Variants in CLN3 observed in about 807,000 individuals in gnomAD.
CLN3 encodes the protein battenin.
A neutral mutation model predicts 60.7 loss-of-function variants in CLN3; 49 were observed. The observed-to-expected ratio is 0.81, with a 90% CI of 0.64 to 1.02. The LOEUF (loss-of-function observed/expected upper bound fraction) is 1.02, where lower values mean the gene tolerates loss of function less well. Among genes scored for constraint, CLN3 ranks in the 50% least tolerant of loss-of-function variants. The probability of loss-of-function intolerance (pLI) is 0.00; values close to 1 mark genes in which losing one functional copy is unlikely to be tolerated. For synonymous variants in CLN3, 256 were observed against 245.8 expected, an observed-to-expected ratio of 1.04 and a Z score of -0.39; for missense variants, 516 against 557.4, an observed-to-expected ratio of 0.93 and a Z score of 0.75.
chr16:28,474,214 C>G (rs1188576663), downstream of CLN3: 1 of 152,026 alleles, frequency 6.6e-6, no homozygotes, highest in Admixed American at 6.6e-5. Flanking sequence ...CTGCAGTGAG[C>G]AGAGACTGCG....
intron 9 of CLN3, among the ~76,000 whole-genome samples, chr16:28,485,571 CAAAAAAAAA>C (rs67148714): frequency 4.2e-4 from 5 of 11,768 alleles, no homozygotes; most frequent in South Asian, 6.5e-3. Context: ...GACTCCGTCT[CAAAAAAAAA>C]AAAAAAAAAA....
downstream of CLN3, among the ~76,000 whole-genome samples, chr16:28,475,162 A>T (rs1400579435): frequency 2.0e-5 from 3 of 152,086 alleles, no homozygotes; most frequent in Non-Finnish European, 4.4e-5. Context: ...AGGCAGGAGG[A>T]CCCCTTGAGC....
Position 28,487,485 on chromosome 16 carries a change from A to T in CLN3, c.431T>A (p.Phe144Tyr). ...CAAGSFVLVAFSHSVGTSLCG... is the reference protein window; with the variant it reads ...CAAGSFVLVAYSHSVGTSLCG... Reference sequence around the variant, plus strand: ...CAGGCTGGTCCCCACAGAATGAGAAAAGGCAACCAGGACGAAGCTTCCAGC... The same window carrying T: ...CAGGCTGGTCCCCACAGAATGAGAATAGGCAACCAGGACGAAGCTTCCAGC... Residue 144 changes from phenylalanine to tyrosine, a missense_variant, in exon 7 of 16, where the codon TTT becomes TAT. By Grantham distance (22) the Phe-to-Tyr change is conservative. Coordinates refer to ENST00000636147, the MANE Select transcript of CLN3 (RefSeq NM_001042432.2). The T allele has an allele frequency of 3.1e-6, 5 of 1,614,020 alleles. No individual in the cohort carries two copies. Among genetic ancestry groups the T allele is most frequent in the Non-Finnish European group, 4.2e-6 (5 of 1,179,986 alleles).
intron 9 of CLN3, among the ~76,000 whole-genome samples, chr16:28,485,161 T>A (rs1299384157): frequency 6.9e-6 from 1 of 145,122 alleles, no homozygotes; most frequent in Non-Finnish European, 1.5e-5. Context: ...GCCAGGCTGG[T>A]CTCAAACTCC....
chr16:28,486,222 C>A, intron 9 of CLN3, 125 bp downstream of exon 9: 1 of 1,262,666 alleles, frequency 7.9e-7, no homozygotes, highest in Non-Finnish European at 1.1e-6. Context: ...GGTTTCCTGA[C>A]CTTAGGCGAT....
Position 28,487,460 on chromosome 16 carries a change from C to G in CLN3, c.456G>C (p.Leu152=). 6.2e-7 allele frequency: 1 copy of G among 1,613,736 alleles called. No homozygotes were observed. The highest frequency in any genetic ancestry group is 1.1e-5 in the South Asian group (1 of 91,078). Residue 152 remains leucine (L), a synonymous_variant, in exon 7 of 16, where the codon CTG becomes CTC. Coordinates refer to ENST00000636147, the MANE Select transcript of CLN3 (RefSeq NM_001042432.2). ...GACACAGAACCACACACTCACCACA[C>G]AGGCTGGTCCCCACAGAATGAGAAA... ...VAFSHSVGTS[L]CGVVFASISS...
At chr16:28,468,789 A>T in the CLN3 span, among the ~76,000 whole-genome samples, 1 of 102,916 alleles carries the variant, frequency 9.7e-6, no homozygotes. Flanking sequence ...CCTGGGTGAC[A>T]GAGTGAGACT....
In CLN3 at chr16:28,482,563, T is replaced by TATA. The variant is rs770713572; in HGVS notation, c.838-21_838-19dup. On this transcript the variant is annotated intron_variant, in intron 11 of 15. Coordinates refer to ENST00000636147, the MANE Select transcript of CLN3 (RefSeq NM_001042432.2). ...AGCAGACCCTGGAAAAGGCAGAAGA[T>TATA]ATAAGCGGGGGGCCTGGAGGTGAGC... 1 of 1,614,010 alleles carries TATA rather than the reference T, an allele frequency of 6.2e-7. No homozygotes were observed. The highest frequency in any genetic ancestry group is 8.5e-7 in the Non-Finnish European group (1 of 1,179,992).
At position 28,477,523 on chromosome 16, in the gene CLN3, A is replaced by T; in HGVS notation, c.1310T>A (p.Leu437His). 1 of 1,613,308 alleles carries T rather than the reference A, an allele frequency of 6.2e-7. No homozygotes were observed. Among genetic ancestry groups the T allele is most frequent in the African/African-American group, 1.3e-5 (1 of 75,022 alleles). Residue 437 changes from leucine (L) to histidine (H), a missense_variant, in exon 16 of 16, where the codon CTC becomes CAC. Transcript: ENST00000636147. ...ALPLHDFLCQ[L>H]S ...TCCTGAGGATCCCGAGTATCAGGAG[A>T]GCTGGCAGAGGAAGTCATGCAGAGG...
downstream of CLN3, chr16:28,470,520 G>A (rs1490292689): frequency 1.1e-5 from 10 of 890,960 alleles, no homozygotes; most frequent in Non-Finnish European, 1.6e-5. Flanking sequence ...AAGGGGACGG[G>A]GACCGGGGCC....
intron 9 of CLN3, chr16:28,484,891 C>G (rs965600367): frequency 1.3e-5 from 2 of 151,102 alleles, no homozygotes; most frequent in Admixed American, 1.3e-4. Context: ...TCTACTTAGA[C>G]TTGTCCTAAG....
chr16:28,477,565 G>A lies in CLN3; in HGVS notation c.1268C>T (p.Ser423Leu), dbSNP rs386833706. Residue 423 changes from serine to leucine, a missense_variant, in exon 16 of 16, where the codon TCG becomes TTG. Coordinates refer to ENST00000636147, the MANE Select transcript of CLN3 (RefSeq NM_001042432.2). ...ATGCAGAGGCAAAGCCAGGAGCCCCGACAGGGAGATCCCCAGTGTGTCAGA... is the reference window on the plus strand; with the variant it reads ...ATGCAGAGGCAAAGCCAGGAGCCCCAACAGGGAGATCCCCAGTGTGTCAGA... ...CISDTLGISL[S>L]GLLALPLHDF... 6.2e-6 allele frequency: 10 copies of A among 1,613,806 alleles called. No individual in the cohort carries two copies. Among genetic ancestry groups the A allele is most frequent in the Admixed American group, 3.3e-5 (2 of 59,988 alleles).
chr16:28,488,003 G>A (rs2046250980), intron 5 of CLN3: 1 of 460,606 alleles, frequency 2.2e-6, no homozygotes, highest in Non-Finnish European at 4.0e-6. Context: ...TGGCTTAAAT[G>A]AGCTAATATA....
chr16:28,485,502 A>G (rs1423437148), intron 9 of CLN3, among the ~76,000 whole-genome samples: 1 of 134,354 alleles, frequency 7.4e-6, no homozygotes, highest in East Asian at 2.4e-4. Flanking sequence ...CGGGAGGCCG[A>G]GGCTGCAGTG....
Position 28,489,313 on chromosome 16 carries a change from T to A in CLN3, c.199A>T (p.Arg67Trp). Residue 67 changes from arginine to tryptophan, a missense_variant, in exon 4 of 16, where the codon AGG (arginine) becomes TGG (tryptophan). By Grantham distance (101) the Arg-to-Trp change is moderately radical. Transcript: ENST00000636147. ...SAAHDILSHK[R>W]TSGNQSHVDP... ...ACATGGCTCTGGTTTCCCGATGTCC[T>A]CTTGTGGCTAAGGATGTCGTGGGCG... 6.2e-7 allele frequency: 1 copy of A among 1,613,388 alleles called. No homozygotes were observed. Among genetic ancestry groups the A allele is most frequent in the Non-Finnish European group, 8.5e-7 (1 of 1,179,750 alleles).
chr16:28,482,137 T>G lies in CLN3; in HGVS notation c.1024A>C (p.Ile342Leu). ...AGGGCCAGGGCCCAGGTGAAACGGA[T>G]GCGACAGCAGCGGAGAGAAGAGCGG... The part of the protein sequence containing the change: ...ASRSSLRCCR[I>L]RFTWALALLQ... Residue 342 changes from isoleucine (I) to leucine (L), a missense_variant, in exon 14 of 16, where the codon ATC becomes CTC. By Grantham distance (5) the Ile-to-Leu change is conservative. Coordinates refer to ENST00000636147, the MANE Select transcript of CLN3 (RefSeq NM_001042432.2). 1.2e-6 allele frequency: 2 copies of G among 1,613,560 alleles called. No homozygotes were observed. Among genetic ancestry groups the G allele is most frequent in the Non-Finnish European group, 1.7e-6 (2 of 1,179,922 alleles).
intron 5 of CLN3, 78 bp downstream of exon 5, chr16:28,488,513 G>A: frequency 8.0e-7 from 1 of 1,247,548 alleles, no homozygotes. Context: ...TCCCAGCTGG[G>A]TAGTGAAGGG....
At chr16:28,491,880 T>A in intron 1 of CLN3, 45 bp from the exon 2 acceptor site, 2 of 1,320,170 alleles carry the variant, frequency 1.5e-6, no homozygotes, top group South Asian at 1.2e-5. Context: ...CGGTCCCAGC[T>A]CCGGCTTGTC....
chr16:28,481,450 A>ACG (rs1555467999), intron 14 of CLN3, among the ~76,000 whole-genome samples: 17 of 131,034 alleles, frequency 1.3e-4, no homozygotes, highest in South Asian at 2.4e-4. Context: ...ACACACACAC[A>ACG]CACGCACACA....
Sources: gnomAD v4.1 joint callset for allele counts (sites outside exome capture counted in the v4.1 genomes callset) on GRCh38, gnomAD v4.1.1 for gene constraint, MANE v1.5 for transcripts, NCBI Gene and HGNC (gene_info 2026-07-23, HGNC 2026-07-21) for gene names.